Variants in FAM83D observed in about 807,000 individuals in gnomAD.
FAM83D encodes scaffolding CK1 anchoring protein D, also known as protein FAM83D.
In FAM83D, 26 loss-of-function variants were observed where a neutral mutation model predicts 25.4. The ratio of observed to expected loss-of-function variants is 1.02; its 90% CI spans 0.75 to 1.42. FAM83D has a LOEUF of 1.42. Ranked by LOEUF, FAM83D falls within the 40% of genes most tolerant of loss-of-function variation. The pLI is 0.00. For missense variants in FAM83D, 740 were observed against 758.1 expected (o/e 0.98, Z 0.28); for synonymous variants, 310 against 318.5 (o/e 0.97, Z 0.28).
In FAM83D at chr20:38,948,001, G is replaced by T. The variant is rs1288971714; in HGVS notation, c.776+1G>T. 6.2e-7 allele frequency: 1 copy of T among 1,614,114 alleles called. No individual in the cohort carries two copies. Among genetic ancestry groups the T allele is most frequent in the Non-Finnish European group, 8.5e-7 (1 of 1,180,006 alleles). On this transcript the variant is annotated splice_donor_variant, in intron 3 of 3. Transcript: ENST00000619850. LOFTEE classifies it high-confidence loss of function. ...TCCGCGTGGCAACAGGCTCCTACAG[G>T]TAAGTCTCTAACCCGTCCAAGGCTT... is the stretch of plus-strand genomic sequence containing the variant.
At chr20:38,932,308 C>A (rs776514562) in intron 1 of FAM83D, among the ~76,000 whole-genome samples, 34 of 152,294 alleles carry the variant, frequency 2.2e-4, no homozygotes, top group Non-Finnish European at 4.1e-4. Flanking sequence ...ATTACTTGAG[C>A]CCAGGAGTTG....
At chr20:38,935,418 C>A (rs1047555646) in intron 1 of FAM83D, among the ~76,000 whole-genome samples, 5 of 152,186 alleles carry the variant, frequency 3.3e-5, no homozygotes, top group African/African-American at 1.2e-4. Context: ...GCACTTTCAT[C>A]TAATACTTAA....
intron 1 of FAM83D, among the ~76,000 whole-genome samples, chr20:38,937,608 T>G (rs1357041828): frequency 3.3e-5 from 5 of 152,092 alleles, no homozygotes; most frequent in Non-Finnish European, 7.4e-5. Flanking sequence ...GGGATGGGGA[T>G]TTGAAGGAAG....
rs1248747727 is a variant in FAM83D at position 38,926,492 on chromosome 20, C to T, written c.50C>T (p.Ser17Leu). ...GLDEVPAACL[S>L]PCGPPNPTEL... ...GACGAGGTGCCCGCCGCCTGCCTGT[C>T]GCCGTGCGGGCCGCCCAACCCGACC... is the stretch of plus-strand genomic sequence containing the variant. Residue 17 changes from serine (S) to leucine (L), a missense_variant, in exon 1 of 4, where the codon TCG becomes TTG. Around this residue, in one of 3 missense-constraint regions of FAM83D, gnomAD observed 333 missense variants for 298.6 expected, o/e 1.12. Transcript: ENST00000619850. 1 of 1,597,232 alleles carries T rather than the reference C, an allele frequency of 6.3e-7. No homozygotes were observed. The highest frequency in any genetic ancestry group is 8.5e-7 in the Non-Finnish European group (1 of 1,178,184).
Position 38,926,671 on chromosome 20 carries a change from G to A in FAM83D, c.229G>A (p.Glu77Lys). ...TCTGCGCGCGGCGGAGAGGCCGGGAGAGGAGGGCGCGGCGGCGGCGGCGGC... is the reference window on the plus strand; with the variant it reads ...TCTGCGCGCGGCGGAGAGGCCGGGAAAGGAGGGCGCGGCGGCGGCGGCGGC... Reference protein sequence around the residue: ...AILRAAERPGEEGAAAAAAAE... With the variant: ...AILRAAERPGKEGAAAAAAAE... Residue 77 changes from glutamate (E) to lysine (K), a missense_variant, in exon 1 of 4, where the codon GAG becomes AAG. Transcript: ENST00000619850. 2.6e-6 allele frequency: 4 copies of A among 1,529,734 alleles called. No individual in the cohort carries two copies. The highest frequency in any genetic ancestry group is 3.5e-6 in the Non-Finnish European group (4 of 1,144,384). The allele number at this position is 1,529,734 out of a possible 1,614,324, so 94.8% of individuals were successfully genotyped here.
chr20:38,932,608 T>A (rs1000368391), intron 1 of FAM83D, among the ~76,000 whole-genome samples: 3 of 152,232 alleles, frequency 2.0e-5, no homozygotes, highest in Non-Finnish European at 4.4e-5. Context: ...CCACTGTATC[T>A]GTTGATGACG....
At position 38,941,946 on chromosome 20, in the gene FAM83D, G is replaced by A. The variant is rs1416397730; in HGVS notation, c.484-13G>A. The A allele has an allele frequency of 1.2e-6, 2 of 1,613,256 alleles. No individual in the cohort carries two copies. The highest frequency in any genetic ancestry group is 1.1e-5 in the South Asian group (1 of 91,044). On this transcript the variant is annotated splice_polypyrimidine_tract_variant and intron_variant, in intron 1 of 3. Transcript: ENST00000619850. ...ATAAGCTTATCATGTGCTCTTCCCT[G>A]TTTCACCTGTAGGTGATTGCAGTGG...
At position 38,926,808 on chromosome 20, in the gene FAM83D, G is replaced by C. The variant is rs760227820; in HGVS notation, c.366G>C (p.Gln122His). ...LLELGWPAFY[Q>H]GAYRGATRVE... Reference sequence around the variant, plus strand: ...AGCTTGGCTGGCCCGCCTTCTACCAGGGCGCCTACCGCGGCGCCACGCGTG... The same window carrying C: ...AGCTTGGCTGGCCCGCCTTCTACCACGGCGCCTACCGCGGCGCCACGCGTG... Residue 122 changes from glutamine to histidine, a missense_variant, in exon 1 of 4, where the codon CAG becomes CAC. Around this residue, in one of 3 missense-constraint regions of FAM83D, gnomAD observed 333 missense variants for 298.6 expected, o/e 1.12. Transcript: ENST00000619850. 2 of 1,540,894 alleles carry C rather than the reference G, an allele frequency of 1.3e-6. No homozygotes were observed. The highest frequency in any genetic ancestry group is 2.4e-5 in the South Asian group (2 of 84,564).
intron 1 of FAM83D, among the ~76,000 whole-genome samples, chr20:38,935,128 A>G (rs2085673544): frequency 6.6e-6 from 1 of 152,202 alleles, no homozygotes; most frequent in East Asian, 1.9e-4. Flanking sequence ...AATGGGGAGG[A>G]GGGACAAGGA....
intron 2 of FAM83D, 87 bp downstream of exon 2, chr20:38,942,213 C>T: frequency 1.4e-6 from 2 of 1,444,780 alleles, no homozygotes; most frequent in South Asian, 1.2e-5. Flanking sequence ...TGGCGGTATC[C>T]CTGTTTACAA....
At chr20:38,946,970 C>T (rs1396309732) in intron 2 of FAM83D, among the ~76,000 whole-genome samples, 2 of 152,128 alleles carry the variant, frequency 1.3e-5, no homozygotes, top group Non-Finnish European at 2.9e-5. Context: ...TTATTCTAGT[C>T]CTTGAAGGTA....
At position 38,949,813 on chromosome 20, in the gene FAM83D, C is replaced by T. The variant is rs114498091; in HGVS notation, c.777-1726C>T. The stretch of plus-strand genomic sequence containing the variant: ...AGGCAGGCTCTCCCTTTGAAGTCAA[C>T]GATCCTGGCTTTGTTTATTTTTTGT... On this transcript the variant is annotated intron_variant, in intron 3 of 3. Transcript: ENST00000619850. Among the ~76,000 whole-genome samples the T allele has an allele frequency of 3.6e-3, 552 of 152,280 alleles. 6 individuals carry two copies. Among genetic ancestry groups the T allele is most frequent in the African/African-American group, 0.013 (521 of 41,544 alleles).
At chr20:38,937,961 A>G (rs1242764580) in intron 1 of FAM83D, among the ~76,000 whole-genome samples, 4 of 152,338 alleles carry the variant, frequency 2.6e-5, no homozygotes, top group Admixed American at 6.5e-5. Context: ...GCATCTCCAG[A>G]AACAAAAAAA....
Position 38,926,831 on chromosome 20 carries a change from G to T in FAM83D, c.389G>T (p.Arg130Leu), listed in dbSNP as rs1568693901. The T allele has an allele frequency of 6.5e-7, 1 of 1,534,292 alleles. No homozygotes were observed. Among genetic ancestry groups the T allele is most frequent in the Non-Finnish European group, 8.7e-7 (1 of 1,145,680 alleles). ...FYQGAYRGAT[R>L]VETHFQPRGA... ...CAGGGCGCCTACCGCGGCGCCACGCGTGTCGAGACGCACTTCCAGCCCCGC... is the reference window on the plus strand; with the variant it reads ...CAGGGCGCCTACCGCGGCGCCACGCTTGTCGAGACGCACTTCCAGCCCCGC... The change falls in exon 1 of 4, where the codon CGT (arginine) becomes CTT (leucine). Residue 130 changes from arginine to leucine, a missense_variant. This residue lies in a region of FAM83D where 333 missense variants were observed against 298.6 expected (regional missense o/e 1.12). Coordinates refer to ENST00000619850, the MANE Select transcript of FAM83D (RefSeq NM_030919.3).
At chr20:38,933,570 C>T (rs916703260) in intron 1 of FAM83D, among the ~76,000 whole-genome samples, 1 of 152,182 alleles carries the variant, frequency 6.6e-6, no homozygotes, top group Non-Finnish European at 1.5e-5. Flanking sequence ...CTATTTATCC[C>T]TTCCTTTTGA....
intron 1 of FAM83D, among the ~76,000 whole-genome samples, chr20:38,930,925 T>A (rs2085656454): frequency 1.3e-5 from 2 of 152,172 alleles, no homozygotes; most frequent in East Asian, 3.9e-4. Context: ...CGTGAGCCAC[T>A]GCGCCCGGCC....
intron 1 of FAM83D, among the ~76,000 whole-genome samples, chr20:38,932,387 A>G (rs1308676122): frequency 6.6e-6 from 1 of 152,224 alleles, no homozygotes; most frequent in Admixed American, 6.5e-5. Context: ...CCCTGTTTCT[A>G]AAAAATAAAT....
chr20:38,949,681 A>G (rs904439359), intron 3 of FAM83D, among the ~76,000 whole-genome samples: 1 of 152,206 alleles, frequency 6.6e-6, no homozygotes, highest in Non-Finnish European at 1.5e-5. Context: ...CCCGGAAGGA[A>G]GCATAGAAAG....
intron 3 of FAM83D, among the ~76,000 whole-genome samples, 157 bp downstream of exon 3, chr20:38,948,157 T>C (rs997190541): frequency 6.6e-6 from 1 of 152,252 alleles, no homozygotes; most frequent in Non-Finnish European, 1.5e-5. Context: ...CAAAGCCTCC[T>C]GTTAGAGGCA....
Sources: allele counts gnomAD v4.1 joint callset (sites outside exome capture counted in the v4.1 genomes callset), GRCh38; gene constraint gnomAD v4.1.1; regional missense constraint gnomAD v4.1.1; transcripts MANE v1.5; gene names NCBI Gene and HGNC (gene_info 2026-07-23, HGNC 2026-07-21).